UBE2E1: variants seen among roughly 807,000 people sequenced by gnomAD.
UBE2E1 encodes ubiquitin conjugating enzyme E2 E1, also known as ubiquitin-conjugating enzyme E2 E1.
UBE2E1 carries 6 observed loss-of-function variants against 21.4 expected under a neutral mutation model. The ratio of observed to expected loss-of-function variants is 0.28; its 90% CI spans 0.15 to 0.55. The LOEUF is 0.55. UBE2E1 is among the 20% of genes least tolerant of loss of function. UBE2E1 has a pLI of 0.93. For synonymous variants in UBE2E1, 87 were observed against 82.7 expected, an observed-to-expected ratio of 1.05 and a Z score of -0.28; for missense variants, 142 against 236.5, an observed-to-expected ratio of 0.60 and a Z score of 2.62.
intron 3 of UBE2E1, among the ~76,000 whole-genome samples, chr3:23,822,869 C>T (rs1043664876): frequency 4.2e-5 from 5 of 119,526 alleles, no homozygotes; most frequent in Admixed American, 1.2e-4. Context: ...CTTCCAGAGA[C>T]GGAGCCTTGC....
intron 3 of UBE2E1, 106 bp downstream of exon 3, chr3:23,811,616 G>T: frequency 1.9e-6 from 2 of 1,056,194 alleles, no homozygotes; most frequent in Non-Finnish European, 2.8e-6. Context: ...GCTAATGCTT[G>T]TTATGGCACT....
intron 3 of UBE2E1, among the ~76,000 whole-genome samples, chr3:23,867,179 A>G (rs950926302): frequency 3.3e-5 from 5 of 151,460 alleles, no homozygotes; most frequent in African/African-American, 1.2e-4. Flanking sequence ...TTTAAAATGG[A>G]TAAATGTTAC....
In UBE2E1 at chr3:23,807,275, G is replaced by A; in HGVS notation, c.6G>A (p.Ser2=). The A allele has an allele frequency of 6.2e-7, 1 of 1,612,056 alleles. No homozygotes were observed. Among genetic ancestry groups the A allele is most frequent in the South Asian group, 1.1e-5 (1 of 90,944 alleles). The change falls in exon 2 of 6, where the codon TCG becomes TCA. Residue 2 remains serine (S), a synonymous_variant. Coordinates refer to ENST00000306627, the MANE Select transcript of UBE2E1 (RefSeq NM_003341.5). The part of the protein sequence containing the change: M[S]DDDSRASTSS... ...GGTGGGGTGGGGGGTTCGCTATGTCGGATGACGATTCGAGGGCCAGCACCA... is the reference window on the plus strand; with the variant it reads ...GGTGGGGTGGGGGGTTCGCTATGTCAGATGACGATTCGAGGGCCAGCACCA...
chr3:23,810,463 TA>T lies in UBE2E1; in HGVS notation c.153-996del, dbSNP rs1044911804. The T allele has an allele frequency of 1.3e-6, 2 of 1,535,374 alleles. No individual in the cohort carries two copies. The highest frequency in any genetic ancestry group is 2.7e-5 in the African/African-American group (2 of 72,960). ...TCTCCAGTCTATCCCCAGTGTGAGC[TA>T]GAGAGCGGACCATGAAGGAAGTGGG... On this transcript the variant is annotated intron_variant, in intron 2 of 5. Coordinates refer to ENST00000306627, the MANE Select transcript of UBE2E1 (RefSeq NM_003341.5). This position sits in a 1 kb window ranked among gnomAD's most constrained non-coding sequence, Gnocchi z 5.8.
intron 3 of UBE2E1, among the ~76,000 whole-genome samples, chr3:23,868,720 G>GT (rs558030770): frequency 0.012 from 1,631 of 139,308 alleles, 30 homozygotes; most frequent in African/African-American, 0.036. Context: ...ACACAGTGTT[G>GT]TTTTTTTTTT....
intron 3 of UBE2E1, among the ~76,000 whole-genome samples, chr3:23,867,618 G>A (rs1310925572): frequency 6.6e-6 from 1 of 152,128 alleles, no homozygotes; most frequent in African/African-American, 2.4e-5. Flanking sequence ...CGGTCCCCCT[G>A]TCTCATTTCA....
chr3:23,841,466 G>T (rs1223558824), intron 3 of UBE2E1, among the ~76,000 whole-genome samples: 1 of 151,936 alleles, frequency 6.6e-6, no homozygotes, highest in East Asian at 1.9e-4. Context: ...TACGATTAAA[G>T]GTCAAGCCAT....
Position 23,882,645 on chromosome 3 carries a change from C to T in UBE2E1, c.204-4922C>T, listed in dbSNP as rs529488201. On this transcript the variant is annotated intron_variant, in intron 3 of 5. Transcript: ENST00000306627. ...CCACTGCAGGGGTGGAGGGGAGGCT[C>T]GGGCCTGGCAGGCTGCACGTCTCAA... Among the ~76,000 whole-genome samples, 10 of 151,958 alleles carry T rather than the reference C, an allele frequency of 6.6e-5. No individual in the cohort carries two copies. In the South Asian group the frequency reaches 1.7e-3, roughly 26 times the overall value.
At position 23,890,656 on chromosome 3, in the gene UBE2E1, G is replaced by C; in HGVS notation, c.*50G>C. 1 of 1,568,310 alleles carries C rather than the reference G, an allele frequency of 6.4e-7. No homozygotes were observed. The highest frequency in any genetic ancestry group is 8.7e-7 in the Non-Finnish European group (1 of 1,146,596). ...TATTTGTCTGTCACAGAAGAGAGCT[G>C]CTTATGATTTTGAAGGGGTCAGGGA... is the stretch of plus-strand genomic sequence containing the variant. On this transcript the variant is annotated 3_prime_UTR_variant, in exon 6 of 6. Transcript: ENST00000306627.
rs1219287766 is a variant in UBE2E1 at position 23,853,038 on chromosome 3, T to C, written c.204-34529T>C. Among the ~76,000 whole-genome samples the C allele has an allele frequency of 6.6e-6, 1 of 152,082 alleles. No homozygotes were observed. Among genetic ancestry groups the C allele is most frequent in the African/African-American group, 2.4e-5 (1 of 41,408 alleles). Reference sequence around the variant, plus strand: ...TTCAAGTGATTCTCCTGCCTCAGCCTCCCAAGTAGCTGGGATTACAGGCAT... The same window carrying C: ...TTCAAGTGATTCTCCTGCCTCAGCCCCCCAAGTAGCTGGGATTACAGGCAT... On this transcript the variant is annotated intron_variant, in intron 3 of 5. Transcript: ENST00000306627. The surrounding 1 kb of genome is among the most constrained non-coding windows in gnomAD (Gnocchi z 4.1).
intron 3 of UBE2E1, among the ~76,000 whole-genome samples, chr3:23,818,699 G>A (rs1485343789): frequency 6.6e-6 from 1 of 152,186 alleles, no homozygotes; most frequent in East Asian, 1.9e-4. Context: ...TGGAGCTGAG[G>A]CTGGAACTGG....
At chr3:23,861,612 A>G (rs1417693552) in intron 3 of UBE2E1, among the ~76,000 whole-genome samples, 1 of 152,194 alleles carries the variant, frequency 6.6e-6, no homozygotes, top group African/African-American at 2.4e-5. Flanking sequence ...GAAGACACAC[A>G]AGCTGGATGC....
intron 3 of UBE2E1, among the ~76,000 whole-genome samples, chr3:23,871,887 G>A (rs1700802569): frequency 6.6e-6 from 1 of 151,682 alleles, no homozygotes; most frequent in Non-Finnish European, 1.5e-5. Context: ...TCACTTTCCA[G>A]ACTGGGCAGC....
At chr3:23,883,485 C>T (rs997486403) in intron 3 of UBE2E1, among the ~76,000 whole-genome samples, 2 of 152,130 alleles carry the variant, frequency 1.3e-5, no homozygotes, top group Non-Finnish European at 2.9e-5. Flanking sequence ...CCTAACTTTT[C>T]CAATGAGAAC....
chr3:23,886,266 A>G (rs1321845625), intron 3 of UBE2E1, among the ~76,000 whole-genome samples: 1 of 152,232 alleles, frequency 6.6e-6, no homozygotes, highest in Non-Finnish European at 1.5e-5. Context: ...AAGAGATATT[A>G]AAGAATTAAT....
At chr3:23,851,450 G>T (rs9825452) in intron 3 of UBE2E1, among the ~76,000 whole-genome samples, 1 of 152,026 alleles carries the variant, frequency 6.6e-6, no homozygotes, top group Non-Finnish European at 1.5e-5. Flanking sequence ...AAACAGTCCA[G>T]CTGGGGTTTT....
rs1325558596 is a variant in UBE2E1 at position 23,891,143 on chromosome 3, AAAAAAGGTCTG to A, written c.*540_*550del. 1 of 152,638 alleles carries A rather than the reference AAAAAAGGTCTG, an allele frequency of 6.6e-6. No homozygotes were observed. The highest frequency in any genetic ancestry group is 1.5e-5 in the Non-Finnish European group (1 of 68,096). The allele number at this position is 152,638 out of a possible 1,614,324, so 9.5% of individuals were successfully genotyped here. ...TTTTATATGCCAATCTACTTTGTTT[AAAAAAGGTCTG>A]AATCAGGACTTGTGAAAACCTGTAG... On this transcript the variant is annotated 3_prime_UTR_variant, in exon 6 of 6. Transcript: ENST00000306627.
chr3:23,844,889 A>T (rs1015905164), intron 3 of UBE2E1, among the ~76,000 whole-genome samples: 3 of 152,118 alleles, frequency 2.0e-5, no homozygotes, highest in African/African-American at 7.2e-5. Flanking sequence ...AGACCAATGA[A>T]GCTGACTTGG....
Position 23,891,632 on chromosome 3 carries a change from TA to T in UBE2E1, c.*1027del, listed in dbSNP as rs1443588458. ...TCATGGATAAATTGGTACCCTGCCT[TA>T]GGGGGCATTTTGGCAGTACATGTCC... On this transcript the variant is annotated 3_prime_UTR_variant, in exon 6 of 6. Transcript: ENST00000306627. 2.0e-5 allele frequency: 3 copies of T among 152,194 alleles called. No homozygotes were observed. The highest frequency in any genetic ancestry group is 6.5e-5 in the Admixed American group (1 of 15,270). 9.4% of individuals were successfully genotyped at this position (152,194 alleles called of 1,614,324 possible).
Sources: gnomAD v4.1 joint callset for allele counts (sites outside exome capture counted in the v4.1 genomes callset) on GRCh38, gnomAD v4.1.1 for gene constraint, Gnocchi (gnomAD v3.1) non-coding constraint, MANE v1.5 for transcripts, NCBI Gene and HGNC (gene_info 2026-07-23, HGNC 2026-07-21) for gene names.